Variants in CCR5AS observed in about 807,000 individuals in gnomAD.
The protein encoded by CCR5AS is CCR5 antisense RNA.
chr3:46,406,685 T>A (rs781526855), intron 1 of CCR5AS, among the ~76,000 whole-genome samples: 27 of 152,158 alleles, frequency 1.8e-4, no homozygotes, highest in Non-Finnish European at 1.0e-4. Context: ...ACCAATCACT[T>A]CTGGCTGCTT....
At chr3:46,391,466 T>C (rs905589900) in intron 2 of CCR5AS, among the ~76,000 whole-genome samples, 4 of 152,166 alleles carry the variant, frequency 2.6e-5, no homozygotes, top group African/African-American at 9.7e-5. Flanking sequence ...GGTAATAAAA[T>C]GCATATTGAG....
chr3:46,403,564 G>T (rs1702019801), intron 1 of CCR5AS, among the ~76,000 whole-genome samples: 1 of 152,206 alleles, frequency 6.6e-6, no homozygotes, highest in Admixed American at 6.5e-5. Flanking sequence ...CAAGGAAGGG[G>T]CGAACTCAAA....
At chr3:46,369,206 C>T (rs887085601) in intron 3 of CCR5AS, among the ~76,000 whole-genome samples, 1 of 152,104 alleles carries the variant, frequency 6.6e-6, no homozygotes, top group Non-Finnish European at 1.5e-5. Context: ...TTTTTTAAAA[C>T]CTCCACTCTA....
chr3:46,383,526 C>T (rs540803914), intron 2 of CCR5AS, among the ~76,000 whole-genome samples: 16 of 152,290 alleles, frequency 1.1e-4, no homozygotes, highest in South Asian at 2.1e-4. Flanking sequence ...TTTCATACCA[C>T]GCGCCTCAGT....
At chr3:46,406,103 T>C (rs1359529783) in intron 1 of CCR5AS, among the ~76,000 whole-genome samples, 1 of 152,146 alleles carries the variant, frequency 6.6e-6, no homozygotes, top group Non-Finnish European at 1.5e-5. Context: ...CTCAAACTCC[T>C]GGGCTCAAGC....
intron 2 of CCR5AS, chr3:46,373,839 C>T: frequency 6.2e-7 from 1 of 1,614,054 alleles, no homozygotes; most frequent in South Asian, 1.1e-5. Context: ...AGTCTTCTTC[C>T]AAAAGCACAT....
chr3:46,366,326 G>A (rs1305823667), intron 3 of CCR5AS, among the ~76,000 whole-genome samples: 1 of 152,196 alleles, frequency 6.6e-6, no homozygotes. Flanking sequence ...TATGTGCAGA[G>A]CTGAGTATAG....
intron 2 of CCR5AS, among the ~76,000 whole-genome samples, chr3:46,379,088 G>T: frequency 7.0e-6 from 1 of 143,222 alleles, no homozygotes; most frequent in East Asian, 2.1e-4. Context: ...AGTTACATAT[G>T]TATACATGTG....
chr3:46,391,772 G>C (rs959046794), intron 2 of CCR5AS, among the ~76,000 whole-genome samples: 1 of 152,168 alleles, frequency 6.6e-6, no homozygotes, highest in Non-Finnish European at 1.5e-5. Context: ...TTATAGGGTA[G>C]GGGAGCAGAG....
At chr3:46,402,512 T>C (rs1026474861) in intron 1 of CCR5AS, among the ~76,000 whole-genome samples, 1 of 152,244 alleles carries the variant, frequency 6.6e-6, no homozygotes, top group Non-Finnish European at 1.5e-5. Flanking sequence ...GGCTATTATG[T>C]GAGATTATCA....
chr3:46,373,886 G>C (rs372786661), intron 2 of CCR5AS: 13 of 1,612,102 alleles, frequency 8.1e-6, no homozygotes, highest in Non-Finnish European at 1.1e-5. Context: ...CTATTTTCCA[G>C]CAAGAGGCTC....
At chr3:46,391,296 T>C (rs1701911388) in intron 2 of CCR5AS, among the ~76,000 whole-genome samples, 1 of 152,224 alleles carries the variant, frequency 6.6e-6, no homozygotes. Context: ...GGGTTTCTCT[T>C]ACAGCGGAGG....
chr3:46,392,360 G>T (rs1701920994), intron 2 of CCR5AS, among the ~76,000 whole-genome samples: 1 of 152,266 alleles, frequency 6.6e-6, no homozygotes, highest in South Asian at 2.1e-4. Context: ...TTAGTCAAAG[G>T]TGTTTTAAGT....
chr3:46,371,560 C>T (rs974347286), intron 2 of CCR5AS: 2 of 152,148 alleles, frequency 1.3e-5, no homozygotes, highest in Non-Finnish European at 2.9e-5. Flanking sequence ...CTCTCAGCTG[C>T]CTAGTCTAAG....
At chr3:46,377,390 A>T (rs1423908943) in intron 2 of CCR5AS, among the ~76,000 whole-genome samples, 1 of 152,182 alleles carries the variant, frequency 6.6e-6, no homozygotes, top group African/African-American at 2.4e-5. Flanking sequence ...AGGAGATTGC[A>T]TGCCATGGAT....
chr3:46,366,859 C>T (rs1388450375), intron 3 of CCR5AS, among the ~76,000 whole-genome samples: 1 of 152,178 alleles, frequency 6.6e-6, no homozygotes, highest in African/African-American at 2.4e-5. Flanking sequence ...CTCCCTGGCT[C>T]TCCTGCTAAA....
chr3:46,372,164 C>G (rs143602732), intron 2 of CCR5AS, among the ~76,000 whole-genome samples: 102 of 152,258 alleles, frequency 6.7e-4, no homozygotes, highest in African/African-American at 2.1e-3. Context: ...GCCCTCGAGG[C>G]CTCTTAATTA....
chr3:46,395,023 A>T (rs1238444826), intron 1 of CCR5AS, among the ~76,000 whole-genome samples: 13 of 152,114 alleles, frequency 8.5e-5, no homozygotes, highest in Non-Finnish European at 1.6e-4. Flanking sequence ...GAGAGCCCCT[A>T]GGTGGAGGTT....
intron 1 of CCR5AS, among the ~76,000 whole-genome samples, chr3:46,405,811 T>C (rs1480235150): frequency 6.6e-6 from 1 of 152,158 alleles, no homozygotes; most frequent in Non-Finnish European, 1.5e-5. Flanking sequence ...GGGCTCTTTC[T>C]GTGTTTATTT....
Sources: allele counts gnomAD v4.1 joint callset (sites outside exome capture counted in the v4.1 genomes callset), GRCh38; gene constraint gnomAD v4.1.1; transcripts MANE v1.5; gene names NCBI Gene and HGNC (gene_info 2026-07-23, HGNC 2026-07-21).